The following SLC5A4 variants were observed in gnomAD, a reference collection of about 807,000 sequenced individuals.
SLC5A4 encodes probable glucose sensor protein SLC5A4.
SLC5A4 carries 55 observed loss-of-function variants against 70.3 expected under a neutral mutation model. The ratio of observed to expected loss-of-function variants is 0.78; its 90% CI spans 0.63 to 0.98. SLC5A4 has a LOEUF of 0.98. Ranked by LOEUF, SLC5A4 falls within the 50% of genes least tolerant of loss-of-function variation. The probability of loss-of-function intolerance (pLI) is 0.00; values close to 1 mark genes in which losing one functional copy is unlikely to be tolerated. For missense variants in SLC5A4, 735 were observed against 839.2 expected (o/e 0.88, Z 1.53); for synonymous variants, 268 against 305.7 (o/e 0.88, Z 1.29).
At chr22:32,318,603 T>TC in the SLC5A4 span, among the ~76,000 whole-genome samples, 1 of 152,142 alleles carries the variant, frequency 6.6e-6, no homozygotes, top group Non-Finnish European at 1.5e-5. Flanking sequence ...GCCTTACACT[T>TC]CCTGCTGCCT....
the SLC5A4 span, among the ~76,000 whole-genome samples, chr22:32,293,463 A>G: frequency 6.6e-6 from 1 of 152,080 alleles, no homozygotes; most frequent in African/African-American, 2.4e-5. Flanking sequence ...TGTTATTGCA[A>G]CTGTTACCCT....
chr22:32,320,044 G>A, the SLC5A4 span, among the ~76,000 whole-genome samples: 1 of 152,172 alleles, frequency 6.6e-6, no homozygotes, highest in Non-Finnish European at 1.5e-5. Flanking sequence ...GATCCGGGAA[G>A]GGAGAATCTA....
the SLC5A4 span, among the ~76,000 whole-genome samples, chr22:32,330,772 TGGG>T: frequency 7.8e-5 from 2 of 25,650 alleles, no homozygotes; most frequent in East Asian, 2.8e-3. Flanking sequence ...GTGTATGTGT[TGGG>T]GGCTCTGGTG....
the SLC5A4 span, among the ~76,000 whole-genome samples, chr22:32,300,522 ACACGGTGCGCG>A: frequency 6.7e-6 from 1 of 148,886 alleles, no homozygotes; most frequent in Admixed American, 6.7e-5. Context: ...TTCGGCTCGC[ACACGGTGCGCG>A]CACCCACTGA....
At chr22:32,331,276 G>A in the SLC5A4 span, among the ~76,000 whole-genome samples, 1 of 151,860 alleles carries the variant, frequency 6.6e-6, no homozygotes, top group Non-Finnish European at 1.5e-5. Context: ...CTCTGGGAGA[G>A]CCTCTCCCTG....
intron 13 of SLC5A4, among the ~76,000 whole-genome samples, chr22:32,221,893 A>G (rs1030339948): frequency 4.6e-5 from 7 of 152,132 alleles, no homozygotes; most frequent in African/African-American, 1.7e-4. Context: ...TGGGGTTACT[A>G]AAGGTGACTG....
the SLC5A4 span, among the ~76,000 whole-genome samples, chr22:32,277,557 A>AT: frequency 5.9e-5 from 9 of 151,630 alleles, no homozygotes; most frequent in South Asian, 2.1e-4. Context: ...TTACTTATTT[A>AT]TTTTTTTTGA....
the SLC5A4 span, among the ~76,000 whole-genome samples, chr22:32,304,493 G>C: frequency 6.6e-6 from 1 of 152,012 alleles, no homozygotes; most frequent in Non-Finnish European, 1.5e-5. Context: ...CTACCAGGCT[G>C]ATCTCGAACT....
chr22:32,280,195 T>C, the SLC5A4 span, among the ~76,000 whole-genome samples: 1 of 152,170 alleles, frequency 6.6e-6, no homozygotes, highest in East Asian at 1.9e-4. Flanking sequence ...TGTGTGTTTT[T>C]AGTAGAGACA....
At chr22:32,220,877 C>G in intron 14 of SLC5A4, 43 bp downstream of exon 14, 1 of 1,210,576 alleles carries the variant, frequency 8.3e-7, no homozygotes, top group East Asian at 2.3e-5. Context: ...CAAGCCTGTG[C>G]ACAGAGTTCC....
chr22:32,248,641 C>A, intron 4 of SLC5A4, 102 bp downstream of exon 4: 2 of 853,884 alleles, frequency 2.3e-6, no homozygotes, highest in South Asian at 1.4e-5. Context: ...CTAAATAAAG[C>A]CTTTTTTCCT....
chr22:32,311,705 T>A, the SLC5A4 span, among the ~76,000 whole-genome samples: 1 of 152,148 alleles, frequency 6.6e-6, no homozygotes, highest in Non-Finnish European at 1.5e-5. Flanking sequence ...CTGACTCATC[T>A]TCTGTCCCCA....
Position 32,219,773 on chromosome 22 carries a change from C to T in SLC5A4, c.1769-1048G>A, listed in dbSNP as rs140773260. ...AAGTTAGTTCTTTGAGAAAAGCAAA[C>T]TAGACAAATCTTTAGTAAGATTAAG... On this transcript the variant is annotated intron_variant, in intron 14 of 14. Transcript: ENST00000266086. Among the ~76,000 whole-genome samples, 791 of 150,940 alleles carry T rather than the reference C, an allele frequency of 5.2e-3. 5 individuals carry two copies. The highest frequency in any genetic ancestry group is 0.017 in the African/African-American group (693 of 41,128).
At chr22:32,228,402 C>T (rs5994499) in intron 11 of SLC5A4, among the ~76,000 whole-genome samples, 11,285 of 151,974 alleles carry the variant, frequency 0.074, 467 homozygotes, top group African/African-American at 0.11. Flanking sequence ...ATTATCTGGG[C>T]ATGGTGGCGG....
the SLC5A4 span, among the ~76,000 whole-genome samples, chr22:32,311,602 T>C: frequency 3.8e-4 from 58 of 152,214 alleles, 1 homozygote; most frequent in Non-Finnish European, 6.5e-4. Flanking sequence ...CCCTCCTCTC[T>C]GGGTTTCCAT....
At chr22:32,305,304 G>GCCTACGAGATGAGAAACAAGAGGCACAT in the SLC5A4 span, among the ~76,000 whole-genome samples, 41 of 131,150 alleles carry the variant, frequency 3.1e-4, no homozygotes, top group Admixed American at 8.2e-4. Context: ...GACTGCTCCC[G>GCCTACGAGATGAGAAACAAGAGGCACAT]GGCTTGTAGT....
intron 11 of SLC5A4, among the ~76,000 whole-genome samples, chr22:32,228,801 T>G (rs1289317901): frequency 6.6e-6 from 1 of 152,146 alleles, no homozygotes; most frequent in African/African-American, 2.4e-5. Flanking sequence ...TGTTCATGTG[T>G]GGAAGACTTA....
At chr22:32,309,632 T>TA in the SLC5A4 span, among the ~76,000 whole-genome samples, 1 of 152,050 alleles carries the variant, frequency 6.6e-6, no homozygotes, top group Non-Finnish European at 1.5e-5. Flanking sequence ...TCAGGAGCCC[T>TA]TGACACCACT....
chr22:32,256,095 T>C (rs368447231), upstream of SLC5A4, among the ~76,000 whole-genome samples: 2 of 152,198 alleles, frequency 1.3e-5, no homozygotes, highest in South Asian at 2.1e-4. Flanking sequence ...GGAGAGAGCA[T>C]CACTTGAGGC....
Sources: gnomAD v4.1 joint callset for allele counts (sites outside exome capture counted in the v4.1 genomes callset) on GRCh38, gnomAD v4.1.1 for gene constraint, MANE v1.5 for transcripts, NCBI Gene and HGNC (gene_info 2026-07-23, HGNC 2026-07-21) for gene names.